The following CACNA1D variants were observed in gnomAD, a reference collection of about 807,000 sequenced individuals.
CACNA1D encodes calcium voltage-gated channel subunit alpha1 D.
In CACNA1D, 55 loss-of-function variants were observed where a neutral mutation model predicts 257.1. That is an observed-to-expected ratio of 0.21 (90% CI 0.17 to 0.27). The LOEUF is 0.27. Among genes scored for constraint, CACNA1D ranks in the 10% least tolerant of loss-of-function variants. The pLI is 1.00. For missense variants in CACNA1D, 1,876 were observed against 2,784.0 expected (o/e 0.67, Z 7.34); for synonymous variants, 980 against 1,014.9 (o/e 0.97, Z 0.65).
At chr3:53,788,434 T>A (rs1433016066) in intron 40 of CACNA1D, among the ~76,000 whole-genome samples, 1 of 152,194 alleles carries the variant, frequency 6.6e-6, no homozygotes, top group African/African-American at 2.4e-5. Flanking sequence ...CTTTCTCACT[T>A]CCAACCAATC....
At chr3:53,675,636 A>C (rs1345411874) in intron 8 of CACNA1D, among the ~76,000 whole-genome samples, 2 of 152,198 alleles carry the variant, frequency 1.3e-5, no homozygotes, top group African/African-American at 2.4e-5. Context: ...GCTTCCCACT[A>C]TCACAAATGG....
At chr3:53,634,949 C>T (rs1200112708) in intron 3 of CACNA1D, among the ~76,000 whole-genome samples, 2 of 152,106 alleles carry the variant, frequency 1.3e-5, no homozygotes, top group Non-Finnish European at 2.9e-5. Context: ...TTTGGGAGGG[C>T]TCTTCACTGT....
At chr3:53,653,696 G>T (rs1016350329) in intron 4 of CACNA1D, among the ~76,000 whole-genome samples, 3 of 149,826 alleles carry the variant, frequency 2.0e-5, no homozygotes, top group African/African-American at 7.3e-5. Flanking sequence ...TCTGTGGCCT[G>T]TGGGGGAATA....
intron 15 of CACNA1D, among the ~76,000 whole-genome samples, chr3:53,729,670 A>G (rs577137611): frequency 6.6e-6 from 1 of 152,352 alleles, no homozygotes; most frequent in East Asian, 1.9e-4. Flanking sequence ...GTGAAAAAAT[A>G]TGATAATTTG....
intron 3 of CACNA1D, among the ~76,000 whole-genome samples, chr3:53,570,808 A>G (rs2092929317): frequency 6.6e-6 from 1 of 152,260 alleles, no homozygotes; most frequent in South Asian, 2.1e-4. Flanking sequence ...AAGTACTGTA[A>G]TTTCAAAGAA....
intron 8 of CACNA1D, among the ~76,000 whole-genome samples, chr3:53,694,442 G>A (rs2094555705): frequency 6.6e-6 from 1 of 152,140 alleles, no homozygotes; most frequent in Non-Finnish European, 1.5e-5. Context: ...CTCCCTCCCT[G>A]GTCCTGATTC....
At chr3:53,634,605 C>T (rs1384470682) in intron 3 of CACNA1D, among the ~76,000 whole-genome samples, 2 of 152,156 alleles carry the variant, frequency 1.3e-5, no homozygotes, top group Non-Finnish European at 2.9e-5. Context: ...TAGAATCCTC[C>T]AGCCTTTGGT....
At chr3:53,739,738 C>T (rs1359877829) in intron 20 of CACNA1D, among the ~76,000 whole-genome samples, 2 of 152,116 alleles carry the variant, frequency 1.3e-5, no homozygotes, top group Non-Finnish European at 2.9e-5. Flanking sequence ...GCCAGCCCAG[C>T]GCATGAGCAG....
chr3:53,773,159 A>G (rs1399559761), intron 33 of CACNA1D, among the ~76,000 whole-genome samples: 1 of 152,218 alleles, frequency 6.6e-6, no homozygotes, highest in African/African-American at 2.4e-5. Flanking sequence ...TTATCATAAC[A>G]AAGTGAAATT....
At chr3:53,726,542 C>T (rs2094936565) in intron 14 of CACNA1D, among the ~76,000 whole-genome samples, 1 of 152,110 alleles carries the variant, frequency 6.6e-6, no homozygotes, top group African/African-American at 2.4e-5. Flanking sequence ...AAGGCTGAGG[C>T]AGGAGAGTTG....
At chr3:53,592,075 C>T (rs1404562507) in intron 3 of CACNA1D, among the ~76,000 whole-genome samples, 2 of 152,210 alleles carry the variant, frequency 1.3e-5, no homozygotes, top group African/African-American at 4.8e-5. Context: ...GTGACAGGTG[C>T]TCATCTGAGC....
intron 20 of CACNA1D, among the ~76,000 whole-genome samples, chr3:53,735,857 G>T (rs868050254): frequency 6.6e-6 from 1 of 152,152 alleles, no homozygotes; most frequent in Non-Finnish European, 1.5e-5. Flanking sequence ...TTCATGCCTC[G>T]TGGAAGCACA....
intron 3 of CACNA1D, among the ~76,000 whole-genome samples, chr3:53,557,183 T>G (rs1384311983): frequency 6.6e-6 from 1 of 152,190 alleles, no homozygotes; most frequent in Non-Finnish European, 1.5e-5. Context: ...CCTAGAAGTT[T>G]TATAGTTTTA....
intron 29 of CACNA1D, among the ~76,000 whole-genome samples, chr3:53,760,875 T>C (rs151204203): frequency 6.6e-6 from 1 of 152,294 alleles, no homozygotes; most frequent in South Asian, 2.1e-4. Flanking sequence ...TCTGGCTAGA[T>C]AATGGGGTTA....
At position 53,803,481 on chromosome 3, in the gene CACNA1D, G is replaced by T. The variant is rs772211449; in HGVS notation, c.5494G>T (p.Gly1832Cys). 1.2e-6 allele frequency: 2 copies of T among 1,614,052 alleles called. No homozygotes were observed. Among genetic ancestry groups the T allele is most frequent in the Admixed American group, 3.3e-5 (2 of 60,038 alleles). The part of the protein sequence containing the change: ...TICREDPEIH[G>C]YFRDPHCLGE... The stretch of plus-strand genomic sequence containing the variant: ...TTGCCGGGAAGACCCAGAGATACAT[G>T]GCTATTTCAGGGACCCCCACTGCTT... The change falls in exon 44 of 48, where the codon GGC (glycine) becomes TGC (cysteine). Residue 1832 changes from glycine to cysteine, a missense_variant. Transcript: ENST00000350061.
intron 3 of CACNA1D, among the ~76,000 whole-genome samples, chr3:53,526,818 T>C (rs1206673868): frequency 6.6e-6 from 1 of 152,232 alleles, no homozygotes; most frequent in Non-Finnish European, 1.5e-5. Flanking sequence ...GAGTAAGGCA[T>C]GGCACCTGGA....
Position 53,515,952 on chromosome 3 carries a change from G to A in CACNA1D, c.483+14232G>A, listed in dbSNP as rs1024313116. On this transcript the variant is annotated intron_variant, in intron 3 of 47. Transcript: ENST00000350061. ...CTCTCTTCAGCCTTCCACCGTATCA[G>A]GAGAGTGGAGACTCTGGAGGAAGAC... Among the ~76,000 whole-genome samples the A allele has an allele frequency of 2.0e-5, 3 of 152,180 alleles. No homozygotes were observed. The South Asian group carries it at 6.2e-4, about 32-fold the overall frequency.
At chr3:53,805,282 C>A in intron 45 of CACNA1D, 136 bp downstream of exon 45, 1 of 783,758 alleles carries the variant, frequency 1.3e-6, no homozygotes, top group South Asian at 1.5e-5. Flanking sequence ...AGCCCCCAGC[C>A]AGAGAGTGTG....
At chr3:53,713,786 C>A (rs1205506671) in intron 9 of CACNA1D, among the ~76,000 whole-genome samples, 5 of 152,274 alleles carry the variant, frequency 3.3e-5, no homozygotes, top group African/African-American at 1.2e-4. Context: ...CAAGTAGGGG[C>A]CTGGCCCGGC....
Sources: gnomAD v4.1 joint callset for allele counts (sites outside exome capture counted in the v4.1 genomes callset) on GRCh38, gnomAD v4.1.1 for gene constraint, MANE v1.5 for transcripts, NCBI Gene and HGNC (gene_info 2026-07-23, HGNC 2026-07-21) for gene names.